Variants in HPSE2 observed in about 807,000 individuals in gnomAD.
The protein encoded by HPSE2 is heparanase 2 (inactive).
Under a neutral mutation model 60.5 loss-of-function variants are expected in HPSE2, and 38 were observed. The observed-to-expected ratio is 0.63, with a 90% CI of 0.48 to 0.82. The LOEUF (loss-of-function observed/expected upper bound fraction) is 0.82, where lower values mean the gene tolerates loss of function less well. HPSE2 is among the 40% of genes least tolerant of loss of function. HPSE2 has a pLI of 0.00. For synonymous variants in HPSE2, 295 were observed against 293.2 expected (o/e 1.01, Z -0.06); for missense variants, 713 against 740.4 (o/e 0.96, Z 0.43).
chr10:98,819,525 A>T (rs192859597), intron 3 of HPSE2, among the ~76,000 whole-genome samples: 2 of 151,472 alleles, frequency 1.3e-5, no homozygotes, highest in East Asian at 3.9e-4. Context: ...CCATAAGGGT[A>T]AGATAATTCT....
intron 3 of HPSE2, among the ~76,000 whole-genome samples, chr10:99,107,102 C>G (rs1844278280): frequency 6.6e-6 from 1 of 152,124 alleles, no homozygotes; most frequent in Non-Finnish European, 1.5e-5. Flanking sequence ...AACTCCTGAC[C>G]TCAGGGGATC....
intron 3 of HPSE2, among the ~76,000 whole-genome samples, chr10:99,078,065 C>T (rs572738760): frequency 6.6e-6 from 1 of 152,294 alleles, no homozygotes; most frequent in African/African-American, 2.4e-5. Flanking sequence ...GCTCCCCTAT[C>T]ACCTTCCACC....
intron 2 of HPSE2, among the ~76,000 whole-genome samples, chr10:99,226,528 C>G (rs1221234511): frequency 6.6e-6 from 1 of 151,854 alleles, no homozygotes; most frequent in African/African-American, 2.4e-5. Context: ...GGTGAAGTGC[C>G]CTTCTCATTA....
intron 3 of HPSE2, among the ~76,000 whole-genome samples, chr10:99,121,745 C>T (rs936438206): frequency 2.0e-5 from 3 of 152,024 alleles, no homozygotes; most frequent in Non-Finnish European, 2.9e-5. Flanking sequence ...TATAAAAGTC[C>T]CTTTACTAAA....
chr10:99,228,245 G>A (rs2862532), intron 2 of HPSE2, among the ~76,000 whole-genome samples: 133,599 of 152,150 alleles, frequency 0.88, 58,884 homozygotes, highest in African/African-American at 0.94. Flanking sequence ...ACAGGGTAGT[G>A]AAAGTAAGCT....
At chr10:98,520,575 C>T (rs1942756702) in intron 9 of HPSE2, among the ~76,000 whole-genome samples, 1 of 152,198 alleles carries the variant, frequency 6.6e-6, no homozygotes, top group East Asian at 1.9e-4. Flanking sequence ...GTAAAGTGGG[C>T]TTCGAGGCGC....
intron 3 of HPSE2, among the ~76,000 whole-genome samples, chr10:98,886,034 G>A (rs1490865025): frequency 6.6e-6 from 1 of 152,016 alleles, no homozygotes; most frequent in African/African-American, 2.4e-5. Context: ...CAATTTATGA[G>A]CATCTTTTTA....
chr10:98,731,102 T>C (rs1949216107), intron 4 of HPSE2, among the ~76,000 whole-genome samples: 1 of 152,134 alleles, frequency 6.6e-6, no homozygotes, highest in Admixed American at 6.5e-5. Context: ...CTGGCCAACA[T>C]GGTGAAACCC....
intron 3 of HPSE2, among the ~76,000 whole-genome samples, chr10:98,755,610 T>A (rs539327987): frequency 6.6e-6 from 1 of 152,328 alleles, no homozygotes; most frequent in South Asian, 2.1e-4. Flanking sequence ...ATAGAAGACA[T>A]GCTCGGTCAT....
At chr10:99,160,263 A>C (rs2133766976) in intron 2 of HPSE2, among the ~76,000 whole-genome samples, 1 of 152,260 alleles carries the variant, frequency 6.6e-6, no homozygotes, top group African/African-American at 2.4e-5. Context: ...TAAAATGGAC[A>C]AAAGATCTGA....
At chr10:98,867,782 G>T (rs1308229520) in intron 3 of HPSE2, among the ~76,000 whole-genome samples, 2 of 152,144 alleles carry the variant, frequency 1.3e-5, no homozygotes, top group African/African-American at 4.8e-5. Context: ...ACTGTGGGCT[G>T]GGTGCAGTGG....
intron 3 of HPSE2, among the ~76,000 whole-genome samples, chr10:99,069,843 T>C (rs1425505572): frequency 1.3e-5 from 2 of 151,896 alleles, no homozygotes; most frequent in Admixed American, 6.6e-5. Context: ...GCTTCTCATA[T>C]GGTAACATGA....
rs142136163 is a variant in HPSE2 at position 98,690,263 on chromosome 10, G to A, written c.1004+3637C>T. ...TTGTTAAATAACTACAGAGAAGGCC[G>A]GGTGTGGTGGCTCATGCCTGTAATC... On this transcript the variant is annotated intron_variant, in intron 6 of 11. Transcript: ENST00000370552. 7.8e-4 allele frequency among the ~76,000 whole-genome samples: 118 copies of A among 152,226 alleles called. 1 individual carries two copies. The East Asian group carries it at 0.019, about 24-fold the overall frequency.
At chr10:99,302,874 G>A in the HPSE2 span, among the ~76,000 whole-genome samples, 1 of 150,874 alleles carries the variant, frequency 6.6e-6, no homozygotes, top group African/African-American at 2.4e-5. Context: ...ATACCCTGGG[G>A]AGGACTGGCA....
At chr10:99,123,850 G>A (rs1297025471) in intron 3 of HPSE2, among the ~76,000 whole-genome samples, 2 of 152,188 alleles carry the variant, frequency 1.3e-5, no homozygotes, top group African/African-American at 2.4e-5. Flanking sequence ...CCTTCAGTGG[G>A]TAGCTCATAT....
the HPSE2 span, among the ~76,000 whole-genome samples, chr10:99,272,149 T>G: frequency 6.6e-6 from 1 of 151,812 alleles, no homozygotes; most frequent in East Asian, 1.9e-4. Context: ...CAGACGCCTG[T>G]AATCCCAGCT....
At chr10:98,811,011 T>TA (rs993199576) in intron 3 of HPSE2, among the ~76,000 whole-genome samples, 28 of 152,224 alleles carry the variant, frequency 1.8e-4, no homozygotes, top group African/African-American at 6.5e-4. Context: ...GCTCTTAAGA[T>TA]AAAAAATTAC....
At chr10:98,626,930 C>T (rs554726164) in intron 7 of HPSE2, among the ~76,000 whole-genome samples, 86 of 152,210 alleles carry the variant, frequency 5.7e-4, no homozygotes, top group African/African-American at 1.8e-3. Context: ...CCCACCACCA[C>T]GCCCAGCTAA....
At chr10:98,722,867 T>C (rs1350516388) in intron 4 of HPSE2, among the ~76,000 whole-genome samples, 1 of 152,190 alleles carries the variant, frequency 6.6e-6, no homozygotes, top group Non-Finnish European at 1.5e-5. Flanking sequence ...GATTTTGGGC[T>C]GAGACGATGG....
Sources: gnomAD v4.1 joint callset for allele counts (sites outside exome capture counted in the v4.1 genomes callset) on GRCh38, gnomAD v4.1.1 for gene constraint, MANE v1.5 for transcripts, NCBI Gene and HGNC (gene_info 2026-07-23, HGNC 2026-07-21) for gene names.